Variants in DNAH12 observed in about 807,000 individuals in gnomAD.
DNAH12 encodes the protein axonemal beta dynein heavy chain 12.
A neutral mutation model predicts 371.5 loss-of-function variants in DNAH12; 285 were observed. The ratio of observed to expected loss-of-function variants is 0.77; its 90% confidence interval spans 0.70 to 0.85. The LOEUF (loss-of-function observed/expected upper bound fraction) is 0.85, where lower values mean the gene tolerates loss of function less well. Ranked by LOEUF, DNAH12 falls within the 40% of genes least tolerant of loss-of-function variation. The pLI, the probability that DNAH12 is intolerant of heterozygous loss-of-function variation, is 0.00. For synonymous variants in DNAH12, 1,200 were observed against 1,213.0 expected, an observed-to-expected ratio of 0.99 and a Z score of 0.22; for missense variants, 3,611 against 3,689.4, an observed-to-expected ratio of 0.98 and a Z score of 0.55.
intron 65 of DNAH12, among the ~76,000 whole-genome samples, chr3:57,316,132 C>CTT (rs371920966): frequency 0.21 from 31,948 of 148,982 alleles, 3,791 homozygotes; most frequent in East Asian, 0.39. Context: ...AACCCCTTCC[C>CTT]CTTTTTTTTT....
At chr3:57,425,666 A>G (rs2064743547) in intron 34 of DNAH12, among the ~76,000 whole-genome samples, 1 of 152,200 alleles carries the variant, frequency 6.6e-6, no homozygotes. Flanking sequence ...TTACACAATT[A>G]TACATAACAA....
In DNAH12 at chr3:57,323,415, T is replaced by G; in HGVS notation, c.10129+54A>C. 2.0e-6 allele frequency: 3 copies of G among 1,487,672 alleles called. No homozygotes were observed. The South Asian group carries it at 4.2e-5, about 21-fold the overall frequency. The allele number at this position is 1,487,672 out of a possible 1,614,324, so 92.2% of individuals were successfully genotyped here. A position where few individuals can be genotyped will look rare whatever the true frequency, so the allele number is the denominator to read the frequency against. ...TTATAATCATATAAGGAATCAGTATTGAGCAAGATGTTTTATTTATGATTT... is the reference window on the plus strand; with the variant it reads ...TTATAATCATATAAGGAATCAGTATGGAGCAAGATGTTTTATTTATGATTT... On this transcript the variant is annotated intron_variant, in intron 63 of 73. Transcript: ENST00000495027.
chr3:57,450,028 A>G (rs1191569624), intron 25 of DNAH12, among the ~76,000 whole-genome samples: 1 of 152,202 alleles, frequency 6.6e-6, no homozygotes, highest in African/African-American at 2.4e-5. Context: ...CAGGTGGATC[A>G]CTTGAGGTCA....
chr3:57,505,345 A>G (rs980663091), intron 8 of DNAH12, among the ~76,000 whole-genome samples: 1 of 149,512 alleles, frequency 6.7e-6, no homozygotes, highest in Non-Finnish European at 1.5e-5. Context: ...TTTAGCTCCC[A>G]CAAATAAGTG....
chr3:57,542,760 T>G lies in DNAH12; in HGVS notation c.111A>C (p.Gln37His). Reference protein sequence around the residue: ...PENIGVDTPTQSKLLKYRRSK... With the variant: ...PENIGVDTPTHSKLLKYRRSK... ...ATCTTCTGTATTTTAGCAGCTTACT[T>G]TGTGTTGGTGTATCAACGCCTATGT... Residue 37 changes from glutamine to histidine, a missense_variant, in exon 2 of 74, where the codon CAA becomes CAC. Gln to His is a conservative substitution (Grantham distance 24). This residue lies in a region of DNAH12 where 1,314 missense variants were observed against 1,398.7 expected (regional missense o/e 0.94). Transcript: ENST00000495027. 1 of 1,612,536 alleles carries G rather than the reference T, an allele frequency of 6.2e-7. No homozygotes were observed. The highest frequency in any genetic ancestry group is 8.5e-7 in the Non-Finnish European group (1 of 1,179,398).
chr3:57,372,218 T>A lies in DNAH12; in HGVS notation c.8759+3153A>T, dbSNP rs1023700739. ...ATTTGATCACTGTACATGGAATGAA[T>A]GTATTAAAATACCACATATATCCTT... On this transcript the variant is annotated intron_variant, in intron 55 of 73. Transcript: ENST00000495027. Among the ~76,000 whole-genome samples the A allele has an allele frequency of 2.9e-3, 443 of 152,232 alleles. 2 individuals are homozygous for A. Among genetic ancestry groups the A allele is most frequent in the African/African-American group, 0.01 (419 of 41,568 alleles).
intron 17 of DNAH12, among the ~76,000 whole-genome samples, chr3:57,464,401 G>A (rs573493407): frequency 6.6e-6 from 1 of 152,054 alleles, no homozygotes; most frequent in Non-Finnish European, 1.5e-5. Context: ...GGGACCGTCC[G>A]CATTCATTAA....
chr3:57,329,578 C>T (rs1287683046), intron 62 of DNAH12, among the ~76,000 whole-genome samples: 8 of 144,784 alleles, frequency 5.5e-5, no homozygotes, highest in South Asian at 2.3e-4. Flanking sequence ...GGATTAAAGA[C>T]TTAAACGTTA....
At chr3:57,499,673 T>TATATATATACACACACACAC (rs771112538) in intron 11 of DNAH12, among the ~76,000 whole-genome samples, 1 of 44,454 alleles carries the variant, frequency 2.2e-5, no homozygotes, top group East Asian at 4.6e-4. Flanking sequence ...TATATATATA[T>TATATATATACACACACACAC]ATACTTCTTA....
At chr3:57,500,918 GC>G (rs1347678490) in intron 11 of DNAH12, among the ~76,000 whole-genome samples, 1 of 151,984 alleles carries the variant, frequency 6.6e-6, no homozygotes, top group Non-Finnish European at 1.5e-5. Flanking sequence ...ACCATACCTG[GC>G]TAATTCAAAA....
At chr3:57,297,015 A>C (rs1406556147) in intron 70 of DNAH12, 31 bp from the exon 71 acceptor site, 3 of 1,547,496 alleles carry the variant, frequency 1.9e-6, no homozygotes, top group East Asian at 4.9e-5. Context: ...ACATTATGTC[A>C]GTTTTTAAAG....
intron 55 of DNAH12, among the ~76,000 whole-genome samples, chr3:57,374,738 T>C (rs1417989065): frequency 7.3e-5 from 11 of 150,276 alleles, no homozygotes; most frequent in African/African-American, 2.4e-4. Context: ...TACCAATGCA[T>C]GCAATAACAT....
chr3:57,341,866 A>G (rs1205860247), intron 60 of DNAH12, among the ~76,000 whole-genome samples: 1 of 128,990 alleles, frequency 7.8e-6, no homozygotes, highest in Non-Finnish European at 1.6e-5. Context: ...TTCGAAATAT[A>G]CTACCAAAGC....
chr3:57,302,087 T>A (rs2061359588), intron 69 of DNAH12, 148 bp from the exon 70 acceptor site: 1 of 703,316 alleles, frequency 1.4e-6, no homozygotes, highest in Non-Finnish European at 2.3e-6. Context: ...CGTGAGCTAA[T>A]GTTAAGTGAT....
chr3:57,537,820 G>C (rs1374780504), intron 2 of DNAH12, among the ~76,000 whole-genome samples: 1 of 151,962 alleles, frequency 6.6e-6, no homozygotes, highest in African/African-American at 2.4e-5. Context: ...GAGTAGCTAG[G>C]ACTACAGGCA....
rs545876451 is a variant in DNAH12, at chr3:57,338,707, C to A, written c.9675-3767G>T. ...TGAGGAGCGCCTCTGCCCGGCCGCC[C>A]CATCTTGGGGGTGAGGAGCGCCTCT... On this transcript the variant is annotated intron_variant, in intron 60 of 73. Coordinates refer to ENST00000495027, the MANE Select transcript of DNAH12 (RefSeq NM_001366028.2). 8.7e-5 allele frequency among the ~76,000 whole-genome samples: 13 copies of A among 149,258 alleles called. No homozygotes were observed. In the East Asian group the frequency reaches 2.6e-3, roughly 30 times the overall value.
chr3:57,323,341 G>C (rs2061854064), intron 63 of DNAH12, 81 bp from the exon 64 acceptor site: 3 of 1,480,624 alleles, frequency 2.0e-6, no homozygotes, highest in Non-Finnish European at 2.7e-6. Flanking sequence ...GTTTTATCAT[G>C]AAAAATTCTA....
At position 57,301,832 on chromosome 3, in the gene DNAH12, C is replaced by G; in HGVS notation, c.11297G>C (p.Gly3766Ala). The G allele has an allele frequency of 1.3e-6, 2 of 1,551,626 alleles. No homozygotes were observed. Among genetic ancestry groups the G allele is most frequent in the Non-Finnish European group, 1.7e-6 (2 of 1,146,996 alleles). ...LEALSGSLLV[G>A]KVPEIWAKRS... is the part of the protein sequence containing the mutation. ...TTTGGCCCATATTTCTGGAACCTTT[C>G]CAACAAGTAAGCTACCGGAGAGTGC... The change falls in exon 70 of 74, where the codon GGA (glycine) becomes GCA (alanine). Residue 3766 changes from glycine to alanine, a missense_variant. Around this residue, in one of 3 missense-constraint regions of DNAH12, gnomAD observed 2,266 missense variants for 2,236.9 expected, o/e 1.01. Transcript: ENST00000495027.
chr3:57,509,696 T>C (rs1456936829), intron 5 of DNAH12, among the ~76,000 whole-genome samples: 1 of 151,656 alleles, frequency 6.6e-6, no homozygotes, highest in Non-Finnish European at 1.5e-5. Context: ...ACCCCATCTC[T>C]ACTAAAAATA....
Sources: allele counts gnomAD v4.1 joint callset (sites outside exome capture counted in the v4.1 genomes callset), GRCh38; gene constraint gnomAD v4.1.1; regional missense constraint gnomAD v4.1.1; transcripts MANE v1.5; gene names NCBI Gene and HGNC (gene_info 2026-07-23, HGNC 2026-07-21).